Variants in FSTL5 observed in about 807,000 individuals in gnomAD.
FSTL5 encodes follistatin like 5.
In FSTL5, 62 loss-of-function variants were observed where a neutral mutation model predicts 89.1. That is an observed-to-expected ratio of 0.70 (90% CI 0.57 to 0.86). The LOEUF is 0.86. Among genes scored for constraint, FSTL5 ranks in the 40% least tolerant of loss-of-function variants. FSTL5 has a pLI of 0.00. For synonymous variants in FSTL5, 383 were observed against 346.2 expected, an observed-to-expected ratio of 1.11 and a Z score of -1.18; for missense variants, 1,057 against 1,001.6, an observed-to-expected ratio of 1.06 and a Z score of -0.75.
chr4:161,624,462 T>C (rs1735244458), intron 7 of FSTL5, among the ~76,000 whole-genome samples: 2 of 151,902 alleles, frequency 1.3e-5, no homozygotes, highest in South Asian at 4.1e-4. Flanking sequence ...AAACTTACAA[T>C]TTGACAATTT....
chr4:161,909,951 G>A (rs541769465), intron 4 of FSTL5, among the ~76,000 whole-genome samples: 1 of 152,180 alleles, frequency 6.6e-6, no homozygotes, highest in South Asian at 2.1e-4. Context: ...TTATCAAGAG[G>A]AAGAAGTGAA....
intron 3 of FSTL5, among the ~76,000 whole-genome samples, chr4:161,959,686 TGCA>T: frequency 6.6e-6 from 1 of 152,310 alleles, no homozygotes; most frequent in South Asian, 2.1e-4. Context: ...TTTCTTGGTA[TGCA>T]GATTTTTTTA....
chr4:161,619,266 G>C (rs1023258569), intron 7 of FSTL5, among the ~76,000 whole-genome samples: 10 of 152,060 alleles, frequency 6.6e-5, no homozygotes, highest in African/African-American at 2.4e-4. Context: ...TTACCATTCA[G>C]GACATAGGCA....
intron 7 of FSTL5, among the ~76,000 whole-genome samples, chr4:161,620,570 C>T (rs908540270): frequency 2.0e-5 from 3 of 152,220 alleles, no homozygotes; most frequent in East Asian, 1.9e-4. Flanking sequence ...GTAGGAGAAT[C>T]GCTTGAACGC....
chr4:161,911,806 A>C (rs987975512), intron 4 of FSTL5, among the ~76,000 whole-genome samples: 1 of 152,222 alleles, frequency 6.6e-6, no homozygotes, highest in African/African-American at 2.4e-5. Flanking sequence ...ATGTGAAAAG[A>C]GCAATATTGC....
At chr4:161,556,273 A>G (rs1000146134) in intron 8 of FSTL5, among the ~76,000 whole-genome samples, 1 of 151,590 alleles carries the variant, frequency 6.6e-6, no homozygotes, top group African/African-American at 2.4e-5. Flanking sequence ...TAAAGAAAAC[A>G]TTTGTCTTTC....
intron 4 of FSTL5, among the ~76,000 whole-genome samples, chr4:161,777,243 G>GTATATATATATA (rs4065063): frequency 1.6e-3 from 233 of 145,016 alleles, no homozygotes; most frequent in South Asian, 5.3e-3. Context: ...ATTTCATTGT[G>GTATATATATATA]TATATATATA....
At chr4:161,963,918 A>C (rs1379332763) in intron 3 of FSTL5, among the ~76,000 whole-genome samples, 4 of 151,976 alleles carry the variant, frequency 2.6e-5, no homozygotes, top group African/African-American at 9.7e-5. Flanking sequence ...GTGATCTTAT[A>C]AGAGTACTTA....
At chr4:161,849,384 C>T (rs1211089966) in intron 4 of FSTL5, among the ~76,000 whole-genome samples, 1 of 151,916 alleles carries the variant, frequency 6.6e-6, no homozygotes, top group Non-Finnish European at 1.5e-5. Context: ...AGCATGGAAG[C>T]TATTCACACT....
intron 8 of FSTL5, among the ~76,000 whole-genome samples, chr4:161,558,321 C>T (rs4619843): frequency 0.07 from 10,689 of 151,854 alleles, 686 homozygotes; most frequent in East Asian, 0.32. Context: ...TCTTCTGCAA[C>T]TTGACTGTAT....
intron 6 of FSTL5, among the ~76,000 whole-genome samples, chr4:161,672,718 A>C (rs748938655): frequency 4.4e-4 from 65 of 147,060 alleles, no homozygotes; most frequent in Non-Finnish European, 7.2e-4. Context: ...AAAAAAAAAA[A>C]CCCAAAAATC....
chr4:161,949,553 T>C (rs1734833376), intron 3 of FSTL5, among the ~76,000 whole-genome samples: 1 of 152,050 alleles, frequency 6.6e-6, no homozygotes, highest in South Asian at 2.1e-4. Context: ...GTCTTCAATT[T>C]TTTTCTGGTC....
chr4:161,911,208 T>C (rs75889321), intron 4 of FSTL5, among the ~76,000 whole-genome samples: 5,108 of 152,164 alleles, frequency 0.034, 164 homozygotes, highest in East Asian at 0.15. Flanking sequence ...ATCTCCACCC[T>C]TACCACAAAG....
chr4:161,992,949 T>TAC (rs1736177201), intron 3 of FSTL5, among the ~76,000 whole-genome samples: 3 of 3,592 alleles, frequency 8.4e-4, no homozygotes, highest in Non-Finnish European at 3.6e-3. Flanking sequence ...TATGTGTGTA[T>TAC]ATCTATATAT....
chr4:161,792,794 GT>G lies in FSTL5; in HGVS notation c.410-16721del, dbSNP rs572594574. 2.0e-4 allele frequency among the ~76,000 whole-genome samples: 30 copies of G among 152,208 alleles called. No individual in the cohort carries two copies. In the East Asian group the frequency reaches 2.7e-3, roughly 14 times the overall value. On this transcript the variant is annotated intron_variant, in intron 4 of 15. Transcript: ENST00000306100. ...TCCTCTCTGCCTTGCTTACCCTCCA[GT>G]TGTCCATGTACCTTATTCTTCCTGG...
At chr4:162,037,190 T>C (rs889370170) in intron 2 of FSTL5, among the ~76,000 whole-genome samples, 10 of 151,804 alleles carry the variant, frequency 6.6e-5, no homozygotes, top group African/African-American at 1.9e-4. Context: ...GTGGGTGTGA[T>C]AGAATATAAT....
At chr4:162,024,265 A>G (rs1369595410) in intron 3 of FSTL5, among the ~76,000 whole-genome samples, 2 of 152,212 alleles carry the variant, frequency 1.3e-5, no homozygotes, top group African/African-American at 2.4e-5. Context: ...TCATTTTTAC[A>G]TGATACATAG....
At chr4:161,481,216 C>T (rs1729493094) in intron 12 of FSTL5, 47 bp from the exon 13 acceptor site, 1 of 1,450,698 alleles carries the variant, frequency 6.9e-7, no homozygotes. Context: ...TAAATTATAA[C>T]ACATGCCTGA....
intron 6 of FSTL5, among the ~76,000 whole-genome samples, chr4:161,692,634 C>G (rs1047369368): frequency 3.3e-5 from 5 of 152,130 alleles, no homozygotes; most frequent in Admixed American, 3.3e-4. Context: ...GGGGGACAAC[C>G]CTATGAGGAG....
Sources: gnomAD v4.1 joint callset for allele counts (sites outside exome capture counted in the v4.1 genomes callset) on GRCh38, gnomAD v4.1.1 for gene constraint, MANE v1.5 for transcripts, NCBI Gene and HGNC (gene_info 2026-07-23, HGNC 2026-07-21) for gene names.